Variants in RPS6KC1 observed in about 807,000 individuals in gnomAD.
RPS6KC1 encodes the protein inactive ribosomal protein S6 kinase delta-1.
In RPS6KC1, 54 loss-of-function variants were observed where a neutral mutation model predicts 103.8. The ratio of observed to expected loss-of-function variants is 0.52; its 90% CI spans 0.42 to 0.65. The LOEUF is 0.65. Ranked by LOEUF, RPS6KC1 falls within the 30% of genes least tolerant of loss-of-function variation. The pLI, the probability that RPS6KC1 is intolerant of heterozygous loss-of-function variation, is 0.00. For synonymous variants in RPS6KC1, 439 were observed against 438.7 expected (o/e 1.00, Z -0.01); for missense variants, 1,151 against 1,253.8 (o/e 0.92, Z 1.24).
At chr1:213,375,130 CATATATACACACAT>C in the RPS6KC1 span, among the ~76,000 whole-genome samples, 1 of 151,724 alleles carries the variant, frequency 6.6e-6, no homozygotes, top group East Asian at 1.9e-4. Flanking sequence ...TACACATACA[CATATATACACACAT>C]ATACACATAT....
intron 3 of RPS6KC1, among the ~76,000 whole-genome samples, chr1:213,087,088 C>T (rs2080463640): frequency 6.6e-6 from 1 of 151,918 alleles, no homozygotes; most frequent in Admixed American, 6.6e-5. Flanking sequence ...AACAGGATGT[C>T]AGATGATGTT....
At chr1:213,712,710 C>T in the RPS6KC1 span, among the ~76,000 whole-genome samples, 7 of 152,180 alleles carry the variant, frequency 4.6e-5, no homozygotes. Flanking sequence ...GTATCTGGGC[C>T]GGATACCACC....
the RPS6KC1 span, among the ~76,000 whole-genome samples, chr1:213,514,393 AC>A: frequency 6.5e-4 from 50 of 77,482 alleles, no homozygotes; most frequent in African/African-American, 2.6e-3. Context: ...CCCCCACCCC[AC>A]AACAGGCCCC....
chr1:213,100,920 G>A (rs1426596772), intron 3 of RPS6KC1, among the ~76,000 whole-genome samples: 1 of 152,104 alleles, frequency 6.6e-6, no homozygotes, highest in Non-Finnish European at 1.5e-5. Flanking sequence ...CTTTTTGGTA[G>A]AATGATTCGT....
chr1:213,432,793 A>C, the RPS6KC1 span, among the ~76,000 whole-genome samples: 1 of 151,842 alleles, frequency 6.6e-6, no homozygotes, highest in Non-Finnish European at 1.5e-5. Context: ...ATTATTTCAG[A>C]AACTTATGTT....
the RPS6KC1 span, among the ~76,000 whole-genome samples, chr1:213,291,223 T>C: frequency 6.6e-6 from 1 of 152,206 alleles, no homozygotes; most frequent in Admixed American, 6.5e-5. Flanking sequence ...GATGCAGGGC[T>C]TAAATTCAGG....
At chr1:213,088,050 C>T (rs1219799317) in intron 3 of RPS6KC1, among the ~76,000 whole-genome samples, 5 of 152,192 alleles carry the variant, frequency 3.3e-5, no homozygotes, top group Admixed American at 6.5e-5. Flanking sequence ...CCAGGACTTG[C>T]ATTACCTTGC....
the RPS6KC1 span, among the ~76,000 whole-genome samples, chr1:213,522,207 GA>G: frequency 6.6e-6 from 1 of 152,316 alleles, no homozygotes; most frequent in East Asian, 1.9e-4. Context: ...CAGAGCTCTT[GA>G]GTAACCAGAT....
At chr1:213,548,400 C>T in the RPS6KC1 span, among the ~76,000 whole-genome samples, 17 of 152,200 alleles carry the variant, frequency 1.1e-4, no homozygotes, top group Admixed American at 7.2e-4. Flanking sequence ...TGGTGGCTCA[C>T]GCCTGTAATC....
At chr1:213,621,835 G>T in the RPS6KC1 span, among the ~76,000 whole-genome samples, 1 of 152,218 alleles carries the variant, frequency 6.6e-6, no homozygotes, top group East Asian at 1.9e-4. Context: ...CCCTGAAGTC[G>T]GTGCTGGTTA....
chr1:213,576,113 G>A, the RPS6KC1 span, among the ~76,000 whole-genome samples: 9 of 152,054 alleles, frequency 5.9e-5, no homozygotes, highest in African/African-American at 2.2e-4. Context: ...CATACAGCTG[G>A]CTCTGCATAC....
chr1:213,263,845 C>T (rs1054695296), intron 14 of RPS6KC1, among the ~76,000 whole-genome samples: 15 of 152,024 alleles, frequency 9.9e-5, no homozygotes, highest in South Asian at 4.2e-4. Context: ...AAGAAGGGGG[C>T]GGATATAATC....
chr1:213,634,360 A>G, the RPS6KC1 span, among the ~76,000 whole-genome samples: 2 of 152,238 alleles, frequency 1.3e-5, no homozygotes, highest in Non-Finnish European at 2.9e-5. Flanking sequence ...GTAAAAGAAC[A>G]GAAATCACAA....
At position 213,142,193 on chromosome 1, in the gene RPS6KC1, A is replaced by G. The variant is rs60445877; in HGVS notation, c.835+12304A>G. On this transcript the variant is annotated intron_variant, in intron 6 of 14. Coordinates refer to ENST00000366960, the MANE Select transcript of RPS6KC1 (RefSeq NM_012424.6). ...TTTTTTTTCTGGAATGAGAATGGGAACCCTGCTCTTTTTTGTTTTCCATTT... is the reference window on the plus strand; with the variant it reads ...TTTTTTTTCTGGAATGAGAATGGGAGCCCTGCTCTTTTTTGTTTTCCATTT... 1.4e-4 allele frequency among the ~76,000 whole-genome samples: 22 copies of G among 152,066 alleles called. No homozygotes were observed. The East Asian group carries it at 4.1e-3, about 28-fold the overall frequency.
the RPS6KC1 span, among the ~76,000 whole-genome samples, chr1:213,830,672 TAA>T: frequency 2.3e-4 from 30 of 127,684 alleles, no homozygotes; most frequent in Non-Finnish European, 2.2e-4. Flanking sequence ...TCACATTCTT[TAA>T]AAAAAAAAAA....
At chr1:213,460,662 G>A in the RPS6KC1 span, among the ~76,000 whole-genome samples, 2 of 152,060 alleles carry the variant, frequency 1.3e-5, no homozygotes, top group Admixed American at 1.3e-4. Context: ...CCCATTAGTT[G>A]ATGCAGTTTC....
At chr1:213,336,266 C>T in the RPS6KC1 span, among the ~76,000 whole-genome samples, 1 of 152,080 alleles carries the variant, frequency 6.6e-6, no homozygotes, top group African/African-American at 2.4e-5. Flanking sequence ...TATTGAAGGC[C>T]CAAAGTGGTG....
intron 7 of RPS6KC1, among the ~76,000 whole-genome samples, chr1:213,170,838 C>A (rs1327862957): frequency 6.6e-6 from 1 of 152,174 alleles, no homozygotes; most frequent in Non-Finnish European, 1.5e-5. Flanking sequence ...TATTATTTCA[C>A]TTCTTTAACC....
intron 8 of RPS6KC1, among the ~76,000 whole-genome samples, chr1:213,195,802 T>C (rs983708254): frequency 2.6e-5 from 4 of 151,966 alleles, no homozygotes; most frequent in African/African-American, 4.8e-5. Context: ...ATTATTTTTA[T>C]GGCTGAGTAG....
Sources: allele counts gnomAD v4.1 joint callset (sites outside exome capture counted in the v4.1 genomes callset), GRCh38; gene constraint gnomAD v4.1.1; transcripts MANE v1.5; gene names NCBI Gene and HGNC (gene_info 2026-07-23, HGNC 2026-07-21).